RALGPS1: variants seen among roughly 807,000 people sequenced by gnomAD.
RALGPS1 encodes ras-specific guanine nucleotide-releasing factor RalGPS1.
RALGPS1 carries 19 observed loss-of-function variants against 78.8 expected under a neutral mutation model. That is an observed-to-expected ratio of 0.24 (90% CI 0.17 to 0.35). The LOEUF is 0.35. Among genes scored for constraint, RALGPS1 ranks in the 10% least tolerant of loss-of-function variants. The pLI is 1.00. For missense variants in RALGPS1, 454 were observed against 688.3 expected (o/e 0.66, Z 3.81); for synonymous variants, 228 against 256.3 (o/e 0.89, Z 1.06).
At chr9:127,037,393 T>C (rs1335378261) in intron 5 of RALGPS1, among the ~76,000 whole-genome samples, 1 of 152,242 alleles carries the variant, frequency 6.6e-6, no homozygotes, top group East Asian at 1.9e-4. Flanking sequence ...AGGACCTTTT[T>C]CCATTCATGG....
chr9:127,080,708 T>A (rs897219529), intron 8 of RALGPS1, among the ~76,000 whole-genome samples: 2 of 152,224 alleles, frequency 1.3e-5, no homozygotes, highest in Non-Finnish European at 2.9e-5. Flanking sequence ...TCCCAACTGA[T>A]AAATATTTAG....
At chr9:126,988,997 G>A (rs1020932781) in intron 4 of RALGPS1, among the ~76,000 whole-genome samples, 1 of 152,150 alleles carries the variant, frequency 6.6e-6, no homozygotes, top group Non-Finnish European at 1.5e-5. Flanking sequence ...GACTCAGGAG[G>A]CCAAGGTGGG....
intron 8 of RALGPS1, among the ~76,000 whole-genome samples, chr9:127,077,201 T>G (rs945782674): frequency 5.9e-5 from 9 of 152,194 alleles, no homozygotes; most frequent in African/African-American, 2.2e-4. Flanking sequence ...GCAAGTGGCT[T>G]TGAGGAGGTC....
intron 6 of RALGPS1, among the ~76,000 whole-genome samples, chr9:127,051,687 A>G (rs749674322): frequency 3.3e-5 from 5 of 152,220 alleles, no homozygotes; most frequent in African/African-American, 7.2e-5. Context: ...AGGACTAAGT[A>G]TAAGGGCTTT....
At chr9:127,015,733 G>C (rs889852051) in intron 4 of RALGPS1, among the ~76,000 whole-genome samples, 12 of 151,968 alleles carry the variant, frequency 7.9e-5, no homozygotes, top group African/African-American at 2.2e-4. Flanking sequence ...GCTTTTTCTT[G>C]GGAACATGGA....
At chr9:126,950,210 A>C in intron 1 of RALGPS1, among the ~76,000 whole-genome samples, 1 of 152,190 alleles carries the variant, frequency 6.6e-6, no homozygotes, top group Non-Finnish European at 1.5e-5. Context: ...TGTTTTGGTT[A>C]CTGTAGCCTT....
At chr9:127,044,374 A>G (rs1564472591) in intron 5 of RALGPS1, among the ~76,000 whole-genome samples, 1 of 151,840 alleles carries the variant, frequency 6.6e-6, no homozygotes, top group Non-Finnish European at 1.5e-5. Context: ...CTCCTGCCCC[A>G]GCCTCCTGAG....
At chr9:127,213,106 G>T (rs2062372647) in intron 17 of RALGPS1, 57 bp downstream of exon 17, 1 of 1,598,308 alleles carries the variant, frequency 6.3e-7, no homozygotes, top group African/African-American at 1.4e-5. Flanking sequence ...TTCCTCTCTT[G>T]CACAGCGTGC....
intron 1 of RALGPS1, among the ~76,000 whole-genome samples, chr9:126,916,124 G>A (rs905078497): frequency 1.3e-5 from 2 of 152,174 alleles, no homozygotes; most frequent in Non-Finnish European, 2.9e-5. Flanking sequence ...AAAGTTATGA[G>A]TTTCCTTTTT....
At chr9:127,107,829 G>T in intron 8 of RALGPS1, 2 of 1,392,008 alleles carry the variant, frequency 1.4e-6, no homozygotes, top group Non-Finnish European at 1.9e-6. Context: ...ACTGGCCATG[G>T]CTTTTCCCCA....
At chr9:126,954,783 T>G (rs2038190142) in intron 1 of RALGPS1, among the ~76,000 whole-genome samples, 1 of 152,208 alleles carries the variant, frequency 6.6e-6, no homozygotes, top group Non-Finnish European at 1.5e-5. Context: ...GCCTGGGACC[T>G]GGGTGACAGA....
At chr9:127,030,718 C>T (rs908567885) in intron 4 of RALGPS1, among the ~76,000 whole-genome samples, 3 of 150,452 alleles carry the variant, frequency 2.0e-5, no homozygotes, top group Non-Finnish European at 4.4e-5. Context: ...GAGAGGAAGA[C>T]GTGGAAGGTA....
chr9:127,024,818 G>A (rs1277806668), intron 4 of RALGPS1, among the ~76,000 whole-genome samples: 1 of 152,162 alleles, frequency 6.6e-6, no homozygotes, highest in African/African-American at 2.4e-5. Flanking sequence ...TCCTGCTCCA[G>A]TGTGAACTAG....
intron 1 of RALGPS1, among the ~76,000 whole-genome samples, chr9:126,953,463 A>G (rs2038056629): frequency 6.6e-6 from 1 of 151,954 alleles, no homozygotes; most frequent in South Asian, 2.1e-4. Flanking sequence ...GTGCAGTGCA[A>G]ACTAATTTGC....
intron 8 of RALGPS1, among the ~76,000 whole-genome samples, chr9:127,110,186 A>G (rs1349249826): frequency 1.3e-5 from 2 of 152,130 alleles, no homozygotes; most frequent in African/African-American, 4.8e-5. Flanking sequence ...CACCCTCATC[A>G]GGCTTTGCCC....
At chr9:127,073,153 C>T (rs544134096) in intron 8 of RALGPS1, among the ~76,000 whole-genome samples, 114 of 152,246 alleles carry the variant, frequency 7.5e-4, no homozygotes, top group African/African-American at 2.5e-3. Flanking sequence ...AATCACCCTA[C>T]TCTGCTATTG....
intron 8 of RALGPS1, among the ~76,000 whole-genome samples, chr9:127,081,184 A>T (rs2136137526): frequency 6.6e-6 from 1 of 152,302 alleles, no homozygotes. Context: ...ACTAGATATT[A>T]TCCACCGTGT....
In RALGPS1 at chr9:127,135,580, G is replaced by A. The variant is rs72764390; in HGVS notation, c.611-30489G>A. Among the ~76,000 whole-genome samples the A allele has an allele frequency of 3.0e-3, 450 of 152,334 alleles. 2 individuals carry two copies. The highest frequency in any genetic ancestry group is 4.9e-3 in the Non-Finnish European group (331 of 68,028). Reference sequence around the variant, plus strand: ...CCATATCACCACCTCTGTGGGGACCGGCTTGACAGGAGCCACCTACTTCTG... The same window carrying A: ...CCATATCACCACCTCTGTGGGGACCAGCTTGACAGGAGCCACCTACTTCTG... On this transcript the variant is annotated intron_variant, in intron 8 of 18. Coordinates refer to ENST00000259351, the MANE Select transcript of RALGPS1 (RefSeq NM_014636.3).
intron 8 of RALGPS1, among the ~76,000 whole-genome samples, chr9:127,100,148 T>C (rs2053572052): frequency 6.6e-6 from 1 of 152,246 alleles, no homozygotes; most frequent in Non-Finnish European, 1.5e-5. Flanking sequence ...CTGAATATGC[T>C]TGATGTTTAC....
Sources: gnomAD v4.1 joint callset for allele counts (sites outside exome capture counted in the v4.1 genomes callset) on GRCh38, gnomAD v4.1.1 for gene constraint, MANE v1.5 for transcripts, NCBI Gene and HGNC (gene_info 2026-07-23, HGNC 2026-07-21) for gene names.